The following DRAM1 variants were observed in gnomAD, a reference collection of about 807,000 sequenced individuals.
DRAM1 encodes DNA damage-regulated autophagy modulator protein 1.
In DRAM1, 25 loss-of-function variants were observed where a neutral mutation model predicts 28.5. That is an observed-to-expected ratio of 0.88 (90% CI 0.64 to 1.23). DRAM1 has a LOEUF of 1.23. DRAM1 is among the 50% of genes most tolerant of loss of function. The probability of loss-of-function intolerance (pLI) is 0.00; values close to 1 mark genes in which losing one functional copy is unlikely to be tolerated. For synonymous variants in DRAM1, 113 were observed against 114.2 expected (o/e 0.99, Z 0.07); for missense variants, 249 against 299.2 (o/e 0.83, Z 1.24).
chr12:101,909,528 C>A (rs929589370), intron 4 of DRAM1, among the ~76,000 whole-genome samples: 4 of 152,164 alleles, frequency 2.6e-5, no homozygotes, highest in Admixed American at 6.5e-5. Context: ...AACTCTCCCC[C>A]TCCCTGCACG....
At chr12:101,907,342 A>C (rs1341004451) in intron 3 of DRAM1, among the ~76,000 whole-genome samples, 1 of 151,974 alleles carries the variant, frequency 6.6e-6, no homozygotes, top group Non-Finnish European at 1.5e-5. Context: ...TAAAAACCCC[A>C]AACCACCCTT....
chr12:101,887,145 C>CA (rs10654713), intron 1 of DRAM1, among the ~76,000 whole-genome samples: 6,566 of 128,936 alleles, frequency 0.051, 633 homozygotes, highest in African/African-American at 0.16. Context: ...AACTCCGTTT[C>CA]AAAAAAAAAA....
At chr12:101,903,641 A>G (rs1445227002) in intron 3 of DRAM1, among the ~76,000 whole-genome samples, 8 of 152,172 alleles carry the variant, frequency 5.3e-5, no homozygotes, top group Admixed American at 2.0e-4. Flanking sequence ...ATAATAGTGT[A>G]TTGTATATTT....
At chr12:101,878,996 A>ATTTTTTTTTTTTTTTTTTTT (rs112073337) in intron 1 of DRAM1, among the ~76,000 whole-genome samples, 1 of 151,174 alleles carries the variant, frequency 6.6e-6, no homozygotes, top group South Asian at 2.1e-4. Flanking sequence ...ATTTTTTAAA[A>ATTTTTTTTTTTTTTTTTTTT]TTTTTTTTAT....
Position 101,895,186 on chromosome 12 carries a change from G to GTTTGTTTTTTTTTTTT in DRAM1, c.132-2674_132-2673insGTTTTTTTTTTTTTTT, listed in dbSNP as rs1372490429. ...TAATGCTAAATTCGAAACCCTTCAGGTTTTTTTTTTTTTTTTTTTTTTTTT... is the reference window on the plus strand; with the variant it reads ...TAATGCTAAATTCGAAACCCTTCAGGTTTGTTTTTTTTTTTTTTTTTTTTTTTTTTTTTTTTTTTTT... On this transcript the variant is annotated intron_variant, in intron 1 of 6. Transcript: ENST00000258534. Among the ~76,000 whole-genome samples the GTTTGTTTTTTTTTTTT allele has an allele frequency of 4.0e-5, 3 of 75,720 alleles. 1 individual carries two copies. The highest frequency in any genetic ancestry group is 1.7e-4 in the African/African-American group (3 of 18,066). 49.7% of individuals were successfully genotyped at this position (75,720 alleles called of 152,430 possible). A position where few individuals can be genotyped will look rare whatever the true frequency, so the allele number is the denominator to read the frequency against.
At chr12:101,896,366 C>A (rs1314316673) in intron 1 of DRAM1, among the ~76,000 whole-genome samples, 1 of 152,194 alleles carries the variant, frequency 6.6e-6, no homozygotes, top group African/African-American at 2.4e-5. Context: ...TGTAGAAACA[C>A]TCAAAATGAG....
At chr12:101,914,392 A>G (rs987115470) in intron 5 of DRAM1, among the ~76,000 whole-genome samples, 160 bp downstream of exon 5, 4 of 152,182 alleles carry the variant, frequency 2.6e-5, no homozygotes, top group Non-Finnish European at 2.9e-5. Context: ...ATTTGGCAGT[A>G]TGTAGTAATT....
intron 1 of DRAM1, among the ~76,000 whole-genome samples, chr12:101,895,611 C>A (rs1008089740): frequency 5.9e-5 from 8 of 136,312 alleles, no homozygotes; most frequent in Non-Finnish European, 9.1e-5. Flanking sequence ...CACTCTGTCA[C>A]CCAGACTGGA....
chr12:101,914,354 T>C, intron 5 of DRAM1, 122 bp downstream of exon 5: 1 of 559,010 alleles, frequency 1.8e-6, no homozygotes. Context: ...CAAATAAACA[T>C]GGCATGTAAT....
chr12:101,918,697 CCCT>C (rs1159719863), intron 5 of DRAM1, among the ~76,000 whole-genome samples: 3 of 152,170 alleles, frequency 2.0e-5, no homozygotes, highest in African/African-American at 7.2e-5. Flanking sequence ...GTGGGCTCAG[CCCT>C]CAACAGCACA....
intron 4 of DRAM1, among the ~76,000 whole-genome samples, chr12:101,911,102 G>T (rs1874025328): frequency 6.6e-6 from 1 of 152,038 alleles, no homozygotes; most frequent in African/African-American, 2.4e-5. Context: ...CAAGCGTGGT[G>T]GCGTATGCCT....
intron 2 of DRAM1, 34 bp downstream of exon 2, chr12:101,897,964 A>T: frequency 7.8e-7 from 1 of 1,276,340 alleles, no homozygotes; most frequent in Admixed American, 1.9e-5. Flanking sequence ...AATAATTGAA[A>T]AGCTCACAAT....
At chr12:101,898,047 C>CCCTGTCTCAGA in intron 2 of DRAM1, 117 bp downstream of exon 2, 1 of 612,368 alleles carries the variant, frequency 1.6e-6, no homozygotes, top group Non-Finnish European at 2.6e-6. Context: ...TTTTCTGAGA[C>CCCTGTCTCAGA]AGGGTCTCTG....
Position 101,920,297 on chromosome 12 carries a change from C to CTTTTTTTTTTTTTTTTTTTT in DRAM1, c.672+115_672+116insTTTTTTTTTTTTTTTTTTTT, listed in dbSNP as rs373899697. The CTTTTTTTTTTTTTTTTTTTT allele has an allele frequency of 3.8e-4, 106 of 277,364 alleles. 1 individual carries two copies. In the African/African-American group the frequency reaches 9.7e-3, roughly 25 times the overall value. The allele number at this position is 277,364 out of a possible 1,614,324, so 17.2% of individuals were successfully genotyped here. On this transcript the variant is annotated intron_variant, in intron 6 of 6. Transcript: ENST00000258534. ...TTTGCATTTTTAAAAAGAGCACTTT[C>CTTTTTTTTTTTTTTTTTTTT]TTTTTTTTTTTTTTTTTTTGAGACG...
At chr12:101,914,488 T>C (rs1361297225) in intron 5 of DRAM1, among the ~76,000 whole-genome samples, 54 of 150,060 alleles carry the variant, frequency 3.6e-4, no homozygotes, top group African/African-American at 1.1e-3. Flanking sequence ...TCTTCTTCTT[T>C]TTTTTTTTTT....
intron 3 of DRAM1, among the ~76,000 whole-genome samples, chr12:101,906,824 C>T (rs1174146964): frequency 7.2e-6 from 1 of 139,018 alleles, no homozygotes; most frequent in Non-Finnish European, 1.5e-5. Context: ...CACTGCACTC[C>T]AGCCTGGGTG....
intron 1 of DRAM1, chr12:101,890,212 G>T: frequency 2.8e-6 from 1 of 353,104 alleles, no homozygotes; most frequent in Middle Eastern, 1.0e-3. Flanking sequence ...CCGAGTAGCT[G>T]GGATTACAGG....
chr12:101,909,570 T>C (rs1166532381), intron 4 of DRAM1, among the ~76,000 whole-genome samples: 4 of 152,204 alleles, frequency 2.6e-5, no homozygotes, highest in Admixed American at 6.5e-5. Flanking sequence ...GATTTACTCA[T>C]TCATGTGAAG....
At chr12:101,915,908 G>A (rs887555775) in intron 5 of DRAM1, among the ~76,000 whole-genome samples, 15 of 152,256 alleles carry the variant, frequency 9.9e-5, no homozygotes, top group African/African-American at 3.6e-4. Context: ...TATTAGATGA[G>A]TGTTAGACAG....
Sources: allele counts gnomAD v4.1 joint callset (sites outside exome capture counted in the v4.1 genomes callset), GRCh38; gene constraint gnomAD v4.1.1; transcripts MANE v1.5; gene names NCBI Gene and HGNC (gene_info 2026-07-23, HGNC 2026-07-21).